The following FRMD4A variants were observed in gnomAD, a reference collection of about 807,000 sequenced individuals.
FRMD4A encodes the protein FERM domain containing 4A.
A neutral mutation model predicts 129.1 loss-of-function variants in FRMD4A; 29 were observed. The observed-to-expected ratio is 0.22, with a 90% CI of 0.17 to 0.31. The LOEUF (loss-of-function observed/expected upper bound fraction) is 0.31, where lower values mean the gene tolerates loss of function less well. Ranked by LOEUF, FRMD4A falls within the 10% of genes least tolerant of loss-of-function variation. The pLI, the probability that FRMD4A is intolerant of heterozygous loss-of-function variation, is 1.00. For synonymous variants in FRMD4A, 634 were observed against 571.6 expected (o/e 1.11, Z -1.56); for missense variants, 1,272 against 1,375.8 (o/e 0.92, Z 1.19).
intron 2 of FRMD4A, chr10:14,003,601 A>G (rs953657671): frequency 6.6e-6 from 1 of 152,244 alleles, no homozygotes; most frequent in African/African-American, 2.4e-5. Flanking sequence ...CGACTGGGTC[A>G]GAGCCCTCAT....
chr10:13,988,304 G>A (rs951987694), intron 2 of FRMD4A, among the ~76,000 whole-genome samples: 1 of 152,208 alleles, frequency 6.6e-6, no homozygotes, highest in Non-Finnish European at 1.5e-5. Context: ...AATTCTCATA[G>A]TGGACTCTTC....
In FRMD4A at chr10:14,116,638, C is replaced by T. The variant is rs535810953; in HGVS notation, c.45+213420G>A. Among the ~76,000 whole-genome samples the T allele has an allele frequency of 8.7e-4, 132 of 152,248 alleles. 1 individual carries two copies. Among genetic ancestry groups the T allele is most frequent in the African/African-American group, 3.1e-3 (129 of 41,534 alleles). On this transcript the variant is annotated intron_variant, in intron 2 of 24. Coordinates refer to ENST00000357447, the MANE Select transcript of FRMD4A (RefSeq NM_018027.5). The stretch of plus-strand genomic sequence containing the variant: ...GTTACAGAACTCAGCTTCCTCACCA[C>T]GGAGAGACCCCATTTATAGCAGCTT...
chr10:14,121,070 C>A (rs773210095), intron 2 of FRMD4A, among the ~76,000 whole-genome samples: 6 of 152,182 alleles, frequency 3.9e-5, no homozygotes, highest in Non-Finnish European at 7.3e-5. Context: ...GGGGACTTTG[C>A]TAAAACACAG....
In FRMD4A at chr10:13,644,913, G is replaced by A. The variant is rs1037160911; in HGVS notation, c.*2125C>T. On this transcript the variant is annotated 3_prime_UTR_variant, in exon 25 of 25. Transcript: ENST00000357447. ...AATGTAACCGGTATCTCTTTATCCT[G>A]CAGGTGTACACTTAAAGCGTTCTGG... 2.0e-5 allele frequency: 3 copies of A among 152,222 alleles called. No homozygotes were observed. The highest frequency in any genetic ancestry group is 4.4e-5 in the Non-Finnish European group (3 of 68,060). The allele number at this position is 152,222 out of a possible 1,614,324, so 9.4% of individuals were successfully genotyped here. A position where few individuals can be genotyped will look rare whatever the true frequency, so the allele number is the denominator to read the frequency against.
intron 2 of FRMD4A, among the ~76,000 whole-genome samples, chr10:13,923,561 C>T (rs944141532): frequency 6.6e-5 from 10 of 152,198 alleles, no homozygotes; most frequent in African/African-American, 2.2e-4. Flanking sequence ...TTATTCTAAT[C>T]GGCAAATGGC....
intron 2 of FRMD4A, among the ~76,000 whole-genome samples, chr10:13,873,081 C>T (rs1406722735): frequency 6.6e-6 from 1 of 151,304 alleles, no homozygotes; most frequent in Admixed American, 6.6e-5. Context: ...GAGGCTGAGG[C>T]AGAAGAATCA....
At chr10:13,985,367 G>T (rs76640827) in intron 2 of FRMD4A, among the ~76,000 whole-genome samples, 1 of 152,318 alleles carries the variant, frequency 6.6e-6, no homozygotes, top group Non-Finnish European at 1.5e-5. Flanking sequence ...CTGGAATGGA[G>T]GACGCCTGCT....
intron 4 of FRMD4A, among the ~76,000 whole-genome samples, chr10:13,800,609 C>G (rs952075040): frequency 1.1e-4 from 17 of 152,130 alleles, no homozygotes; most frequent in Admixed American, 6.5e-4. Flanking sequence ...ATCCTCATAC[C>G]ACTCCACTGG....
chr10:13,759,999 C>T (rs1341861732), intron 8 of FRMD4A, among the ~76,000 whole-genome samples: 1 of 151,772 alleles, frequency 6.6e-6, no homozygotes, highest in Non-Finnish European at 1.5e-5. Flanking sequence ...TACCCATGAA[C>T]TAAGGATGGC....
intron 2 of FRMD4A, among the ~76,000 whole-genome samples, chr10:13,897,936 C>CA (rs36021849): frequency 5.5e-4 from 40 of 72,300 alleles, no homozygotes; most frequent in African/African-American, 1.4e-3. Flanking sequence ...GACTCCGACT[C>CA]AAAAAAAAAA....
At chr10:13,903,570 A>T (rs974168615) in intron 2 of FRMD4A, among the ~76,000 whole-genome samples, 1 of 152,052 alleles carries the variant, frequency 6.6e-6, no homozygotes, top group Admixed American at 6.6e-5. Flanking sequence ...CTCTACAAAA[A>T]ATGTTTTTAA....
intron 15 of FRMD4A, among the ~76,000 whole-genome samples, chr10:13,679,295 G>A (rs755237035): frequency 2.3e-4 from 35 of 149,950 alleles, no homozygotes; most frequent in Middle Eastern, 3.2e-3. Context: ...GGGCATGGAG[G>A]TGGGCACCTG....
chr10:13,830,346 G>C (rs571879936), intron 3 of FRMD4A, among the ~76,000 whole-genome samples: 5 of 152,206 alleles, frequency 3.3e-5, no homozygotes, highest in Non-Finnish European at 5.9e-5. Context: ...ACAGACTCCA[G>C]AAGGAGTCAA....
At chr10:14,278,990 G>C (rs146968295) in intron 2 of FRMD4A, among the ~76,000 whole-genome samples, 5 of 152,020 alleles carry the variant, frequency 3.3e-5, no homozygotes, top group African/African-American at 7.3e-5. Flanking sequence ...CATCACCTGG[G>C]TAAGGTATGG....
intron 2 of FRMD4A, among the ~76,000 whole-genome samples, chr10:13,865,231 A>C (rs2094349900): frequency 6.6e-6 from 1 of 152,132 alleles, no homozygotes. Flanking sequence ...GATTAAATTA[A>C]GTAATGTTTG....
intron 3 of FRMD4A, among the ~76,000 whole-genome samples, chr10:13,837,649 G>A (rs1359238118): frequency 6.6e-6 from 1 of 152,108 alleles, no homozygotes; most frequent in Non-Finnish European, 1.5e-5. Flanking sequence ...ATCTCTTTGT[G>A]GGCACCAGTA....
chr10:13,823,667 C>T (rs150197830), intron 3 of FRMD4A, among the ~76,000 whole-genome samples: 13 of 152,252 alleles, frequency 8.5e-5, no homozygotes, highest in Middle Eastern at 6.8e-3. Flanking sequence ...AGTAATAAAT[C>T]ACTATTTCTG....
At chr10:14,199,545 A>T (rs759625040) in intron 2 of FRMD4A, among the ~76,000 whole-genome samples, 4 of 151,802 alleles carry the variant, frequency 2.6e-5, no homozygotes, top group Admixed American at 6.6e-5. Flanking sequence ...ACCCACCACC[A>T]CGTCTGGCTA....
At chr10:13,933,601 C>A (rs1308316108) in intron 2 of FRMD4A, among the ~76,000 whole-genome samples, 2 of 152,190 alleles carry the variant, frequency 1.3e-5, no homozygotes, top group East Asian at 3.8e-4. Flanking sequence ...ATCCCACTGG[C>A]ATAGTGAGTG....
Sources: gnomAD v4.1 joint callset for allele counts (sites outside exome capture counted in the v4.1 genomes callset) on GRCh38, gnomAD v4.1.1 for gene constraint, MANE v1.5 for transcripts, NCBI Gene and HGNC (gene_info 2026-07-23, HGNC 2026-07-21) for gene names.